The following CC2D2A variants were observed in gnomAD, a reference collection of about 807,000 sequenced individuals.
The protein encoded by CC2D2A is coiled-coil and C2 domain-containing protein 2A.
A neutral mutation model predicts 212.9 loss-of-function variants in CC2D2A; 155 were observed. The ratio of observed to expected loss-of-function variants is 0.73; its 90% CI spans 0.64 to 0.83. The LOEUF is 0.83. Among genes scored for constraint, CC2D2A ranks in the 40% least tolerant of loss-of-function variants. The pLI is 0.00. For missense variants in CC2D2A, 1,856 were observed against 1,956.2 expected (o/e 0.95, Z 0.97); for synonymous variants, 667 against 686.5 (o/e 0.97, Z 0.44).
chr4:15,587,217 C>G (rs1259368319), intron 31 of CC2D2A, among the ~76,000 whole-genome samples: 1 of 152,216 alleles, frequency 6.6e-6, no homozygotes, highest in Non-Finnish European at 1.5e-5. Context: ...AGGGTTTGCA[C>G]TCCTATGAGA....
chr4:15,506,727 A>G (rs114780637), intron 6 of CC2D2A, among the ~76,000 whole-genome samples: 1,765 of 152,248 alleles, frequency 0.012, 9 homozygotes, highest in Middle Eastern at 0.024. Context: ...GCAGAATCTT[A>G]AAAAGCCTTA....
intron 4 of CC2D2A, among the ~76,000 whole-genome samples, chr4:15,498,639 G>C (rs1466520125): frequency 6.6e-6 from 1 of 151,832 alleles, no homozygotes; most frequent in Non-Finnish European, 1.5e-5. Flanking sequence ...AGTATTTCCA[G>C]CTGTTTAAAG....
chr4:15,596,493 C>A (rs2148493767), intron 34 of CC2D2A, among the ~76,000 whole-genome samples: 1 of 152,250 alleles, frequency 6.6e-6, no homozygotes, highest in African/African-American at 2.4e-5. Flanking sequence ...ATGCTCATCT[C>A]AATTCACTAA....
intron 17 of CC2D2A, among the ~76,000 whole-genome samples, chr4:15,544,361 T>C (rs1404840025): frequency 6.6e-6 from 1 of 152,108 alleles, no homozygotes; most frequent in African/African-American, 2.4e-5. Context: ...TAGTCTGACA[T>C]CCATCATCAA....
intron 18 of CC2D2A, among the ~76,000 whole-genome samples, chr4:15,551,877 A>G (rs752501400): frequency 1.7e-4 from 26 of 151,920 alleles, no homozygotes; most frequent in Admixed American, 5.2e-4. Context: ...TGCATTATTT[A>G]TTTAAGGCCG....
intron 4 of CC2D2A, chr4:15,492,964 A>G (rs112183665): frequency 4.1e-6 from 2 of 482,064 alleles, no homozygotes. Context: ...TTTTGATGTC[A>G]TCATATTTGT....
intron 17 of CC2D2A, among the ~76,000 whole-genome samples, chr4:15,542,505 G>A (rs1316488805): frequency 1.3e-5 from 2 of 152,146 alleles, no homozygotes; most frequent in Non-Finnish European, 2.9e-5. Context: ...TTTTCCCACT[G>A]AGCCTGAATA....
intron 33 of CC2D2A, among the ~76,000 whole-genome samples, chr4:15,595,703 C>G (rs945747548): frequency 2.0e-5 from 3 of 152,200 alleles, no homozygotes; most frequent in African/African-American, 7.2e-5. Context: ...ATGCGCATTG[C>G]TGTGGATGCA....
chr4:15,488,141 T>C (rs1030134569), intron 4 of CC2D2A, among the ~76,000 whole-genome samples: 5 of 152,202 alleles, frequency 3.3e-5, no homozygotes, highest in Admixed American at 6.5e-5. Context: ...TGTGTACTTA[T>C]GTTCACTGGT....
chr4:15,520,130 C>T (rs1717122088), intron 11 of CC2D2A, among the ~76,000 whole-genome samples: 1 of 152,074 alleles, frequency 6.6e-6, no homozygotes, highest in Admixed American at 6.6e-5. Context: ...GGATATTTTT[C>T]CTTAATTGAA....
At chr4:15,592,261 C>G (rs1052015694) in intron 33 of CC2D2A, among the ~76,000 whole-genome samples, 1 of 152,122 alleles carries the variant, frequency 6.6e-6, no homozygotes, top group Non-Finnish European at 1.5e-5. Flanking sequence ...CTAAAATACC[C>G]TTTTCCCAAC....
chr4:15,569,395 T>A lies in CC2D2A; in HGVS notation c.3495+6T>A. On this transcript the variant is annotated splice_donor_region_variant and intron_variant, in intron 27 of 36. Transcript: ENST00000424120. ...TACTGCATGATGTCTTAGAGGTAAG[T>A]TCTCAGTTTTAAGAAAGACACTTGT... 6.6e-7 allele frequency: 1 copy of A among 1,513,128 alleles called. No homozygotes were observed. Among genetic ancestry groups the A allele is most frequent in the South Asian group, 1.2e-5 (1 of 83,674 alleles). The allele number at this position is 1,513,128 out of a possible 1,614,324, so 93.7% of individuals were successfully genotyped here.
Position 15,601,503 on chromosome 4 carries a change from T to C in CC2D2A, c.*78T>C, listed in dbSNP as rs1019787864. 3 of 831,174 alleles carry C rather than the reference T, an allele frequency of 3.6e-6. No individual in the cohort carries two copies. In the African/African-American group the frequency reaches 5.2e-5, roughly 14 times the overall value. 51.5% of individuals were successfully genotyped at this position (831,174 alleles called of 1,614,324 possible). On this transcript the variant is annotated 3_prime_UTR_variant, in exon 37 of 37. Coordinates refer to ENST00000424120, the MANE Select transcript of CC2D2A (RefSeq NM_001378615.1). ...AAAATTTTAAATTATATGCATCACA[T>C]CAGAAGAACATATTATTGGCAAATA...
At chr4:15,520,952 G>C (rs1321766640) in intron 11 of CC2D2A, among the ~76,000 whole-genome samples, 2 of 152,124 alleles carry the variant, frequency 1.3e-5, no homozygotes, top group Non-Finnish European at 2.9e-5. Flanking sequence ...GGACTGGAAG[G>C]GTGGGTAGAG....
rs1358156436 is a variant in CC2D2A at position 15,563,455 on chromosome 4, G to A, written c.3115G>A (p.Gly1039Arg). ...KKVTAQNLSD[G>R]DIKLLVNIVR... ...GGTGACAGCCCAAAACCTGTCTGATGGAGACATAAAGCTGCTGGTGAACAT... is the reference window on the plus strand; with the variant it reads ...GGTGACAGCCCAAAACCTGTCTGATAGAGACATAAAGCTGCTGGTGAACAT... Residue 1039 changes from glycine (G) to arginine (R), a missense_variant, in exon 24 of 37, where the codon GGA becomes AGA. Around this residue, in one of 5 missense-constraint regions of CC2D2A, gnomAD observed 1,512 missense variants for 1,579.3 expected, o/e 0.96. Transcript: ENST00000424120. The A allele has an allele frequency of 2.5e-6, 4 of 1,611,894 alleles. No individual in the cohort carries two copies. Among genetic ancestry groups the A allele is most frequent in the African/African-American group, 1.3e-5 (1 of 74,902 alleles).
intron 28 of CC2D2A, among the ~76,000 whole-genome samples, chr4:15,571,979 G>A (rs1424790398): frequency 6.6e-6 from 1 of 152,156 alleles, no homozygotes; most frequent in Non-Finnish European, 1.5e-5. Flanking sequence ...GAGGCAGTTT[G>A]CTCTCTTCCC....
chr4:15,472,647 G>GTT (rs35304734), intron 1 of CC2D2A, among the ~76,000 whole-genome samples: 3 of 138,840 alleles, frequency 2.2e-5, no homozygotes, highest in African/African-American at 7.9e-5. Context: ...TGTTTCACAG[G>GTT]TTTTTTTTTT....
chr4:15,592,941 G>C (rs1721175361), intron 33 of CC2D2A, among the ~76,000 whole-genome samples: 1 of 152,050 alleles, frequency 6.6e-6, no homozygotes, highest in South Asian at 2.1e-4. Context: ...AATTATTCTT[G>C]ATTTTCCCTC....
At chr4:15,596,295 A>G in intron 34 of CC2D2A, 88 bp downstream of exon 34, 2 of 1,178,302 alleles carry the variant, frequency 1.7e-6, no homozygotes, top group Non-Finnish European at 2.2e-6. Flanking sequence ...ACCCCTGGGT[A>G]GTCTAGAACA....
Sources: gnomAD v4.1 joint callset for allele counts (sites outside exome capture counted in the v4.1 genomes callset) on GRCh38, gnomAD v4.1.1 for gene constraint, gnomAD v4.1.1 regional missense constraint, MANE v1.5 for transcripts, NCBI Gene and HGNC (gene_info 2026-07-23, HGNC 2026-07-21) for gene names.